MTSS1: variants seen among roughly 807,000 people sequenced by gnomAD.
MTSS1 encodes the protein MTSS I-BAR domain containing 1.
In MTSS1, 18 loss-of-function variants were observed where a neutral mutation model predicts 79.0. The ratio of observed to expected loss-of-function variants is 0.23; its 90% CI spans 0.16 to 0.34. The LOEUF (loss-of-function observed/expected upper bound fraction) is 0.34. Among genes scored for constraint, MTSS1 ranks in the 10% least tolerant of loss-of-function variants. MTSS1 has a pLI of 1.00. For synonymous variants in MTSS1, 341 were observed against 368.6 expected (o/e 0.93, Z 0.86); for missense variants, 815 against 986.2 (o/e 0.83, Z 2.33).
At chr8:124,690,507 C>T (rs1827768390) in intron 3 of MTSS1, among the ~76,000 whole-genome samples, 1 of 152,190 alleles carries the variant, frequency 6.6e-6, no homozygotes, top group South Asian at 2.1e-4. Flanking sequence ...CACATGATGA[C>T]TGCCCTTTCA....
At chr8:124,572,537 C>A (rs1049299114) in intron 6 of MTSS1, among the ~76,000 whole-genome samples, 7 of 152,052 alleles carry the variant, frequency 4.6e-5, no homozygotes, top group Admixed American at 1.3e-4. Context: ...GGAGAGTCAC[C>A]ACTGACTCCT....
At chr8:124,569,698 G>A (rs1301806113) in intron 6 of MTSS1, among the ~76,000 whole-genome samples, 1 of 152,216 alleles carries the variant, frequency 6.6e-6, no homozygotes, top group Non-Finnish European at 1.5e-5. Context: ...TGTCATGTGT[G>A]TATACAGCAG....
intron 3 of MTSS1, among the ~76,000 whole-genome samples, chr8:124,678,520 T>C (rs915824065): frequency 2.6e-5 from 4 of 152,126 alleles, no homozygotes; most frequent in African/African-American, 9.7e-5. Context: ...CAAAGGTACG[T>C]CTTACATGGC....
chr8:124,633,492 G>A (rs902704105), intron 3 of MTSS1, among the ~76,000 whole-genome samples: 8 of 152,082 alleles, frequency 5.3e-5, no homozygotes, highest in African/African-American at 1.9e-4. Context: ...ATCATAGGCC[G>A]GGCACAGTGG....
At chr8:124,656,187 ACAT>A (rs1820903212) in intron 3 of MTSS1, among the ~76,000 whole-genome samples, 1 of 152,226 alleles carries the variant, frequency 6.6e-6, no homozygotes, top group Non-Finnish European at 1.5e-5. Context: ...AACTTGTCCA[ACAT>A]TACACAGCTT....
rs113614185 is a variant in MTSS1 at position 124,617,185 on chromosome 8, C to T, written c.209-25950G>A. Among the ~76,000 whole-genome samples the T allele has an allele frequency of 4.3e-3, 651 of 152,300 alleles. 2 individuals carry two copies. The highest frequency in any genetic ancestry group is 0.015 in the African/African-American group (633 of 41,568). ...TCCAGAATCATTCCCAGAATACCAG[C>T]GGCAAGAAAAATGATTTTCAGGCAG... is the stretch of plus-strand genomic sequence containing the variant. On this transcript the variant is annotated intron_variant, in intron 3 of 13. Coordinates refer to ENST00000518547, the MANE Select transcript of MTSS1 (RefSeq NM_014751.6).
chr8:124,631,961 A>T (rs1480769058), intron 3 of MTSS1, among the ~76,000 whole-genome samples: 1 of 152,200 alleles, frequency 6.6e-6, no homozygotes, highest in Admixed American at 6.5e-5. Flanking sequence ...TTTTTAACAG[A>T]AAGCAAAGAG....
At chr8:124,663,528 G>A (rs2134435521) in intron 3 of MTSS1, among the ~76,000 whole-genome samples, 1 of 151,964 alleles carries the variant, frequency 6.6e-6, no homozygotes, top group East Asian at 1.9e-4. Flanking sequence ...TCCCACCAAG[G>A]TCAAGAGTAG....
At position 124,567,710 on chromosome 8, in the gene MTSS1, T is replaced by C. The variant is rs1247144977; in HGVS notation, c.619-532A>G. 1.3e-5 allele frequency: 20 copies of C among 1,501,488 alleles called. No individual in the cohort carries two copies. In the East Asian group the frequency reaches 4.7e-4, roughly 35 times the overall value. 93.0% of individuals were successfully genotyped at this position (1,501,488 alleles called of 1,614,324 possible). On this transcript the variant is annotated intron_variant, in intron 7 of 13. Transcript: ENST00000518547. The stretch of plus-strand genomic sequence containing the variant: ...CATGGAAGAAACATCCCATGTGCTT[T>C]ATCGAAGTGCCAAGTTGGGACCACG...
intron 3 of MTSS1, among the ~76,000 whole-genome samples, chr8:124,603,852 T>C (rs1313534049): frequency 2.0e-5 from 3 of 152,194 alleles, no homozygotes; most frequent in Admixed American, 2.0e-4. Context: ...GCCTGTGCCA[T>C]TTACAAGATC....
intron 3 of MTSS1, among the ~76,000 whole-genome samples, chr8:124,643,965 G>A (rs1818548759): frequency 6.6e-6 from 1 of 151,956 alleles, no homozygotes; most frequent in African/African-American, 2.4e-5. Context: ...TTGTGGGTGT[G>A]GGTATGTGTC....
At chr8:124,566,839 A>T (rs1049058328) in intron 8 of MTSS1, among the ~76,000 whole-genome samples, 1 of 152,206 alleles carries the variant, frequency 6.6e-6, no homozygotes, top group African/African-American at 2.4e-5. Context: ...AAACAAGCAT[A>T]ATCATGAAGA....
chr8:124,615,606 T>A (rs1000160617), intron 3 of MTSS1, among the ~76,000 whole-genome samples: 12 of 152,158 alleles, frequency 7.9e-5, no homozygotes, highest in Non-Finnish European at 1.8e-4. Flanking sequence ...GTTCAGAGCT[T>A]CAGTTTTGCA....
In MTSS1 at chr8:124,660,279, G is replaced by A. The variant is rs532434352; in HGVS notation, c.208+39247C>T. Among the ~76,000 whole-genome samples, 8 of 152,144 alleles carry A rather than the reference G, an allele frequency of 5.3e-5. No homozygotes were observed. The East Asian group carries it at 7.7e-4, about 15-fold the overall frequency. ...CACAAACAACCGTTTGAGTGATCTG[G>A]AATAGGCTGTGCCACAGAAACAGGG... On this transcript the variant is annotated intron_variant, in intron 3 of 13. Transcript: ENST00000518547.
intron 1 of MTSS1, among the ~76,000 whole-genome samples, chr8:124,717,896 C>T (rs1295087365): frequency 6.6e-6 from 1 of 152,122 alleles, no homozygotes; most frequent in Non-Finnish European, 1.5e-5. Flanking sequence ...GCACTTAGAA[C>T]CTGGTACTAG....
intron 4 of MTSS1, 71 bp downstream of exon 4, chr8:124,591,080 C>T: frequency 3.2e-6 from 4 of 1,257,496 alleles, no homozygotes; most frequent in Non-Finnish European, 4.7e-6. Context: ...TGCTGTGTGC[C>T]ACACATGACT....
At chr8:124,660,138 G>A (rs1304163969) in intron 3 of MTSS1, among the ~76,000 whole-genome samples, 1 of 152,082 alleles carries the variant, frequency 6.6e-6, no homozygotes, top group East Asian at 1.9e-4. Context: ...TGGACTTCAA[G>A]ACAGTACACA....
At chr8:124,569,555 G>A in intron 6 of MTSS1, among the ~76,000 whole-genome samples, 1 of 152,174 alleles carries the variant, frequency 6.6e-6, no homozygotes, top group Non-Finnish European at 1.5e-5. Context: ...GTGACAGCAG[G>A]GGACACCAGC....
intron 3 of MTSS1, among the ~76,000 whole-genome samples, chr8:124,697,432 T>C (rs1279516560): frequency 6.6e-6 from 1 of 151,678 alleles, no homozygotes; most frequent in Non-Finnish European, 1.5e-5. Flanking sequence ...TGGTGGCACA[T>C]GCCTGTAATC....
Sources: allele counts gnomAD v4.1 joint callset (sites outside exome capture counted in the v4.1 genomes callset), GRCh38; gene constraint gnomAD v4.1.1; transcripts MANE v1.5; gene names NCBI Gene and HGNC (gene_info 2026-07-23, HGNC 2026-07-21).